Variants in MACROD2 observed in about 807,000 individuals in gnomAD.
MACROD2 encodes the protein mono-ADP ribosylhydrolase 2.
A neutral mutation model predicts 70.4 loss-of-function variants in MACROD2; 36 were observed. That is an observed-to-expected ratio of 0.51 (90% CI 0.39 to 0.68). The LOEUF (loss-of-function observed/expected upper bound fraction) is 0.68. Among genes scored for constraint, MACROD2 ranks in the 30% least tolerant of loss-of-function variants. The pLI is 0.00. For missense variants in MACROD2, 496 were observed against 538.4 expected (o/e 0.92, Z 0.78); for synonymous variants, 172 against 178.8 (o/e 0.96, Z 0.30).
intron 4 of MACROD2, among the ~76,000 whole-genome samples, chr20:14,652,432 A>G (rs6110372): frequency 0.07 from 10,671 of 152,206 alleles, 522 homozygotes; most frequent in African/African-American, 0.12. Context: ...CTAGAATTCC[A>G]TTTTTTCTTA....
intron 5 of MACROD2, among the ~76,000 whole-genome samples, chr20:14,853,301 C>G (rs2073219481): frequency 6.6e-6 from 1 of 151,756 alleles, no homozygotes; most frequent in Non-Finnish European, 1.5e-5. Flanking sequence ...TTGGAGAGGG[C>G]AGGTGACACT....
intron 13 of MACROD2, among the ~76,000 whole-genome samples, chr20:15,970,149 G>A (rs567426479): frequency 6.6e-6 from 1 of 152,100 alleles, no homozygotes; most frequent in South Asian, 2.1e-4. Flanking sequence ...AAGAATTCAA[G>A]GTTAATTAAG....
intron 5 of MACROD2, among the ~76,000 whole-genome samples, chr20:14,878,137 T>C (rs933305388): frequency 9.9e-5 from 15 of 152,178 alleles, no homozygotes; most frequent in African/African-American, 3.6e-4. Context: ...TGAAGTAAAA[T>C]GGTAAATAGT....
At chr20:15,415,306 A>G (rs1312941926) in intron 6 of MACROD2, among the ~76,000 whole-genome samples, 1 of 152,226 alleles carries the variant, frequency 6.6e-6, no homozygotes, top group Non-Finnish European at 1.5e-5. Flanking sequence ...TGTGGGAAAT[A>G]CATCTCTAGT....
At chr20:15,421,346 T>A (rs1014559866) in intron 6 of MACROD2, among the ~76,000 whole-genome samples, 1 of 150,760 alleles carries the variant, frequency 6.6e-6, no homozygotes, top group African/African-American at 2.5e-5. Flanking sequence ...GCCACTGCAC[T>A]CCAACCTAGG....
At chr20:14,417,891 GAAAA>G (rs972165588) in intron 3 of MACROD2, among the ~76,000 whole-genome samples, 3 of 152,130 alleles carry the variant, frequency 2.0e-5, no homozygotes, top group African/African-American at 7.2e-5. Context: ...CAGTTTTTAA[GAAAA>G]ATGATACATG....
intron 8 of MACROD2, among the ~76,000 whole-genome samples, chr20:15,721,238 A>G (rs1381526883): frequency 1.5e-5 from 1 of 66,560 alleles, no homozygotes; most frequent in East Asian, 2.8e-4. Flanking sequence ...GCAATGGTCT[A>G]CATATCTGAA....
intron 3 of MACROD2, among the ~76,000 whole-genome samples, chr20:14,288,853 A>G (rs1193286983): frequency 1.3e-5 from 2 of 152,144 alleles, no homozygotes; most frequent in East Asian, 1.9e-4. Context: ...TCGTGGCAAT[A>G]CTTGTATGTA....
intron 3 of MACROD2, among the ~76,000 whole-genome samples, chr20:14,145,840 A>G (rs2054935939): frequency 6.6e-6 from 1 of 152,238 alleles, no homozygotes. Context: ...AGGCAATTAA[A>G]TCTTCTGAAA....
intron 6 of MACROD2, among the ~76,000 whole-genome samples, chr20:15,324,310 G>T (rs1398612606): frequency 6.6e-6 from 1 of 151,972 alleles, no homozygotes; most frequent in African/African-American, 2.4e-5. Flanking sequence ...TTCCCCTTCA[G>T]CTCAGTCTTT....
rs2047281904 is a variant in MACROD2, at chr20:15,495,200, G to A, written c.572-4574G>A. On this transcript the variant is annotated intron_variant, in intron 7 of 17. Transcript: ENST00000684519. The stretch of plus-strand genomic sequence containing the variant: ...TGAGGAAGGCCTTTTTCTCTTGGAA[G>A]TCCATCCCTAGGCTAAAATCTGTCT... Among the ~76,000 whole-genome samples, 4 of 152,216 alleles carry A rather than the reference G, an allele frequency of 2.6e-5. No individual in the cohort carries two copies. The South Asian group carries it at 8.3e-4, about 32-fold the overall frequency.
At chr20:14,839,828 A>G (rs2073068166) in intron 5 of MACROD2, among the ~76,000 whole-genome samples, 1 of 152,108 alleles carries the variant, frequency 6.6e-6, no homozygotes, top group Non-Finnish European at 1.5e-5. Flanking sequence ...CTAAAATTTT[A>G]GATTAGGTTT....
intron 8 of MACROD2, among the ~76,000 whole-genome samples, chr20:15,615,795 G>A (rs933922445): frequency 6.6e-6 from 1 of 152,110 alleles, no homozygotes; most frequent in Non-Finnish European, 1.5e-5. Flanking sequence ...ATCGGACTCG[G>A]GGAAGAAGGC....
intron 10 of MACROD2, among the ~76,000 whole-genome samples, chr20:15,907,652 G>A (rs779888323): frequency 3.3e-5 from 5 of 152,040 alleles, no homozygotes; most frequent in East Asian, 3.8e-4. Flanking sequence ...ACATTTCTAC[G>A]CTGATGACAC....
At chr20:15,015,413 G>C (rs976801849) in intron 5 of MACROD2, among the ~76,000 whole-genome samples, 1 of 151,046 alleles carries the variant, frequency 6.6e-6, no homozygotes, top group African/African-American at 2.4e-5. Flanking sequence ...TGTGACTTTT[G>C]AGCACCCCAG....
intron 8 of MACROD2, among the ~76,000 whole-genome samples, chr20:15,756,442 T>C (rs1446913989): frequency 6.6e-6 from 1 of 152,150 alleles, no homozygotes; most frequent in African/African-American, 2.4e-5. Context: ...AGGTCACATA[T>C]CATATTGATT....
chr20:15,792,590 G>A (rs2063634762), intron 8 of MACROD2, among the ~76,000 whole-genome samples: 1 of 152,076 alleles, frequency 6.6e-6, no homozygotes, highest in African/African-American at 2.4e-5. Context: ...TTAAAGAAAG[G>A]CGAATAAACA....
intron 6 of MACROD2, among the ~76,000 whole-genome samples, chr20:15,319,432 T>G (rs1005123330): frequency 6.6e-6 from 1 of 152,196 alleles, no homozygotes; most frequent in African/African-American, 2.4e-5. Flanking sequence ...CAATTGTCCT[T>G]TTTTGCAGAA....
At position 15,944,041 on chromosome 20, in the gene MACROD2, G is replaced by T. The variant is rs571985598; in HGVS notation, c.907+6497G>T. On this transcript the variant is annotated intron_variant, in intron 12 of 17. Transcript: ENST00000684519. ...TGGTGTCATAATATTTTATCATCTGGTTATCCCACAATTTACATAGCCAGT... is the reference window on the plus strand; with the variant it reads ...TGGTGTCATAATATTTTATCATCTGTTTATCCCACAATTTACATAGCCAGT... 1.3e-4 allele frequency among the ~76,000 whole-genome samples: 20 copies of T among 152,022 alleles called. No homozygotes were observed. The East Asian group carries it at 3.5e-3, about 26-fold the overall frequency.
Sources: gnomAD v4.1 joint callset for allele counts (sites outside exome capture counted in the v4.1 genomes callset) on GRCh38, gnomAD v4.1.1 for gene constraint, MANE v1.5 for transcripts, NCBI Gene and HGNC (gene_info 2026-07-23, HGNC 2026-07-21) for gene names.